Variants in XKR6 observed in about 807,000 individuals in gnomAD.
XKR6 encodes XK-related protein 6.
Under a neutral mutation model 56.7 loss-of-function variants are expected in XKR6, and 22 were observed. The observed-to-expected ratio is 0.39, with a 90% CI of 0.28 to 0.55. XKR6 has a LOEUF of 0.55. Among genes scored for constraint, XKR6 ranks in the 20% least tolerant of loss-of-function variants. The probability of loss-of-function intolerance (pLI) is 0.66; values close to 1 mark genes in which losing one functional copy is unlikely to be tolerated. For missense variants in XKR6, 852 were observed against 889.0 expected, an observed-to-expected ratio of 0.96 and a Z score of 0.53; for synonymous variants, 524 against 387.8, an observed-to-expected ratio of 1.35 and a Z score of -4.13.
At chr8:11,156,865 T>C (rs1801548976) in intron 1 of XKR6, among the ~76,000 whole-genome samples, 1 of 150,136 alleles carries the variant, frequency 6.7e-6, no homozygotes, top group Admixed American at 6.6e-5. Flanking sequence ...ACACACAGAG[T>C]CCTTCAGGGT....
At chr8:11,144,581 G>C (rs1173946892) in intron 1 of XKR6, among the ~76,000 whole-genome samples, 1 of 151,964 alleles carries the variant, frequency 6.6e-6, no homozygotes, top group Non-Finnish European at 1.5e-5. Flanking sequence ...TTGAGTCCCA[G>C]ACGCTTTCCT....
chr8:11,128,093 C>A (rs187419163), intron 1 of XKR6, among the ~76,000 whole-genome samples: 1 of 152,196 alleles, frequency 6.6e-6, no homozygotes, highest in East Asian at 1.9e-4. Flanking sequence ...CCAATTAATA[C>A]GGGACTAATT....
chr8:10,920,306 C>A (rs1004778160), intron 2 of XKR6, among the ~76,000 whole-genome samples: 1 of 152,162 alleles, frequency 6.6e-6, no homozygotes, highest in African/African-American at 2.4e-5. Flanking sequence ...AGATATCTTA[C>A]AAGGCACTTC....
At chr8:10,951,355 G>A (rs1018754372) in intron 1 of XKR6, among the ~76,000 whole-genome samples, 3 of 150,304 alleles carry the variant, frequency 2.0e-5, no homozygotes, top group Non-Finnish European at 4.5e-5. Context: ...ATGGGACAAG[G>A]TGCTGAGCGA....
chr8:11,140,608 C>A (rs970414386), intron 1 of XKR6, among the ~76,000 whole-genome samples: 12 of 152,100 alleles, frequency 7.9e-5, no homozygotes, highest in Non-Finnish European at 1.8e-4. Flanking sequence ...TTCTTAAGAA[C>A]CCTTCCTGGC....
chr8:11,097,188 G>C (rs1246417718), intron 1 of XKR6, among the ~76,000 whole-genome samples: 1 of 152,160 alleles, frequency 6.6e-6, no homozygotes, highest in Non-Finnish European at 1.5e-5. Context: ...AGCCCACTTG[G>C]TCCCACTCAT....
In XKR6 at chr8:10,898,463, T is replaced by G; in HGVS notation, c.1415A>C (p.Tyr472Ser). Reference protein sequence around the residue: ...FYRDPETTDSYAVPALCCVFI... With the variant: ...FYRDPETTDSSAVPALCCVFI... ...GACACAACACAGTGCTGGCACCGCATAGGAGTCAGTGGTCTCCGGGTCTCT... is the reference window on the plus strand; with the variant it reads ...GACACAACACAGTGCTGGCACCGCAGAGGAGTCAGTGGTCTCCGGGTCTCT... Residue 472 changes from tyrosine (Y) to serine (S), a missense_variant, in exon 3 of 3, where the codon TAT (tyrosine) becomes TCT (serine). Coordinates refer to ENST00000416569, the MANE Select transcript of XKR6 (RefSeq NM_173683.4). The surrounding 1 kb of genome is among the most constrained non-coding windows in gnomAD (Gnocchi z 6.6). The G allele has an allele frequency of 6.2e-7, 1 of 1,613,980 alleles. No individual in the cohort carries two copies. The highest frequency in any genetic ancestry group is 8.5e-7 in the Non-Finnish European group (1 of 1,179,996).
intron 1 of XKR6, among the ~76,000 whole-genome samples, chr8:11,060,706 C>G (rs1563110711): frequency 2.0e-5 from 3 of 152,232 alleles, no homozygotes; most frequent in Non-Finnish European, 2.9e-5. Flanking sequence ...TCAATGCCTG[C>G]CTACTAGGCG....
intron 1 of XKR6, among the ~76,000 whole-genome samples, chr8:11,107,515 C>T (rs890189049): frequency 9.2e-5 from 14 of 152,142 alleles, no homozygotes; most frequent in African/African-American, 2.4e-4. Flanking sequence ...TTGTGCTCGA[C>T]GTTATCCCCA....
intron 1 of XKR6, among the ~76,000 whole-genome samples, chr8:11,154,662 G>A (rs1355912720): frequency 6.6e-6 from 1 of 152,174 alleles, no homozygotes; most frequent in African/African-American, 2.4e-5. Context: ...GGCTAATGCT[G>A]GAAAGGTATC....
Position 10,934,865 on chromosome 8 carries a change from T to C in XKR6, c.765-10035A>G, listed in dbSNP as rs892055492. On this transcript the variant is annotated intron_variant, in intron 1 of 2. Transcript: ENST00000416569. ...GGATATTGGTCTAAAATTCTCTTTT[T>C]TCGTTGTGTCTCTGCCCGGCTTTGG... Among the ~76,000 whole-genome samples the C allele has an allele frequency of 2.3e-4, 33 of 146,242 alleles. 1 individual carries two copies. Among genetic ancestry groups the C allele is most frequent in the African/African-American group, 8.6e-4 (33 of 38,530 alleles).
intron 1 of XKR6, among the ~76,000 whole-genome samples, chr8:11,147,015 G>C (rs1353604388): frequency 6.6e-6 from 1 of 151,924 alleles, no homozygotes; most frequent in African/African-American, 2.4e-5. Context: ...AATACAGCCT[G>C]AAGCTAACAA....
intron 1 of XKR6, among the ~76,000 whole-genome samples, chr8:11,173,393 A>G (rs756691272): frequency 1.1e-4 from 16 of 150,144 alleles, no homozygotes; most frequent in Non-Finnish European, 2.2e-4. Context: ...ACACAAATAT[A>G]TATACATATA....
chr8:10,946,544 G>A (rs190684746), intron 1 of XKR6, among the ~76,000 whole-genome samples: 5 of 151,974 alleles, frequency 3.3e-5, no homozygotes, highest in East Asian at 1.9e-4. Flanking sequence ...TGGGGGTGGC[G>A]TGTCCTGCGG....
chr8:11,185,217 G>A (rs776942744), intron 1 of XKR6, among the ~76,000 whole-genome samples: 2 of 152,104 alleles, frequency 1.3e-5, no homozygotes, highest in African/African-American at 4.8e-5. Context: ...GTGACCAGGT[G>A]GAATAAGTGG....
At chr8:11,108,433 T>A (rs1300654148) in intron 1 of XKR6, 1 of 432,566 alleles carries the variant, frequency 2.3e-6, no homozygotes, top group African/African-American at 2.1e-5. Context: ...AAAATCTTCA[T>A]AATTGTTAGA....
chr8:11,200,902 G>A lies in XKR6; in HGVS notation c.438C>T (p.Asp146=). ...GGTAGTAGTCGAGGGCCAGCCACAG[G>A]TCGGTGCCCACGTCCCCGAAGAACA... is the stretch of plus-strand genomic sequence containing the variant. ...LLVFFGDVGT[D]LWLALDYYRK... The change falls in exon 1 of 3, where the codon GAC becomes GAT. Residue 146 remains aspartate, a synonymous_variant. Coordinates refer to ENST00000416569, the MANE Select transcript of XKR6 (RefSeq NM_173683.4). This position sits in a 1 kb window ranked among gnomAD's most constrained non-coding sequence, Gnocchi z 6.4. The A allele has an allele frequency of 1.2e-6, 2 of 1,610,414 alleles. No individual in the cohort carries two copies. The highest frequency in any genetic ancestry group is 1.7e-6 in the Non-Finnish European group (2 of 1,179,266).
chr8:10,957,640 G>A (rs1801931642), intron 1 of XKR6, among the ~76,000 whole-genome samples: 1 of 152,194 alleles, frequency 6.6e-6, no homozygotes. Flanking sequence ...GCTTCCGCCT[G>A]CCAAGAGCCG....
chr8:10,968,024 T>A (rs915561667), intron 1 of XKR6, among the ~76,000 whole-genome samples: 1 of 152,184 alleles, frequency 6.6e-6, no homozygotes, highest in African/African-American at 2.4e-5. Flanking sequence ...AGGGGCCACC[T>A]GTGGACATGC....
Sources: gnomAD v4.1 joint callset for allele counts (sites outside exome capture counted in the v4.1 genomes callset) on GRCh38, gnomAD v4.1.1 for gene constraint, Gnocchi (gnomAD v3.1) non-coding constraint, MANE v1.5 for transcripts, NCBI Gene and HGNC (gene_info 2026-07-23, HGNC 2026-07-21) for gene names.